SLC14A2: variants seen among roughly 807,000 people sequenced by gnomAD.
SLC14A2 encodes the protein solute carrier family 14 member 2, also known as urea transporter 2.
SLC14A2 carries 91 observed loss-of-function variants against 104.6 expected under a neutral mutation model. The ratio of observed to expected loss-of-function variants is 0.87; its 90% CI spans 0.73 to 1.04. The LOEUF is 1.04. Among genes scored for constraint, SLC14A2 ranks in the 50% least tolerant of loss-of-function variants. The probability of loss-of-function intolerance (pLI) is 0.00; values close to 1 mark genes in which losing one functional copy is unlikely to be tolerated. For synonymous variants in SLC14A2, 476 were observed against 466.4 expected (o/e 1.02, Z -0.27); for missense variants, 1,189 against 1,156.0 (o/e 1.03, Z -0.41).
chr18:45,572,755 G>C (rs1419756884), intron 2 of SLC14A2, among the ~76,000 whole-genome samples: 1 of 152,070 alleles, frequency 6.6e-6, no homozygotes, highest in Non-Finnish European at 1.5e-5. Flanking sequence ...TCATTCTATG[G>C]GCAAGTGTGT....
rs183530964 is a variant in SLC14A2, at chr18:45,363,256, G to A, written c.-124-119977G>A. On this transcript the variant is annotated intron_variant, in intron 1 of 20. Transcript: ENST00000586448. The stretch of plus-strand genomic sequence containing the variant: ...CACAGAAGCTGGAGTTAGGGAGAGT[G>A]GCTCACTTTCGGGTCCTTAGCATAC... Among the ~76,000 whole-genome samples, 709 of 152,206 alleles carry A rather than the reference G, an allele frequency of 4.7e-3. 3 individuals carry two copies. Among genetic ancestry groups the A allele is most frequent in the Non-Finnish European group, 4.3e-3 (290 of 68,016 alleles).
chr18:45,207,510 T>G, the SLC14A2 span, among the ~76,000 whole-genome samples: 6 of 151,964 alleles, frequency 3.9e-5, no homozygotes, highest in African/African-American at 7.2e-5. Context: ...TAATAATGTG[T>G]GTGCATATGG....
At chr18:45,510,151 G>A (rs1416712885) in intron 2 of SLC14A2, among the ~76,000 whole-genome samples, 1 of 152,098 alleles carries the variant, frequency 6.6e-6, no homozygotes, top group Non-Finnish European at 1.5e-5. Context: ...AAAATTAGGG[G>A]CATGGAAGTG....
At chr18:45,542,394 A>G (rs2043905086) in intron 2 of SLC14A2, 1 of 152,036 alleles carries the variant, frequency 6.6e-6, no homozygotes, top group African/African-American at 2.4e-5. Context: ...GTATTCGAGT[A>G]GAATTTGGCA....
At chr18:45,409,382 T>C (rs2086190288) in intron 1 of SLC14A2, among the ~76,000 whole-genome samples, 1 of 152,180 alleles carries the variant, frequency 6.6e-6, no homozygotes, top group South Asian at 2.1e-4. Context: ...GGCTACTCCG[T>C]CATCTCTCTA....
chr18:45,372,275 GCAC>G (rs2085731023), intron 1 of SLC14A2, among the ~76,000 whole-genome samples: 1 of 151,826 alleles, frequency 6.6e-6, no homozygotes, highest in Non-Finnish European at 1.5e-5. Context: ...TCATGCCACT[GCAC>G]TCCAGCCTGG....
In SLC14A2 at chr18:45,666,973, G is replaced by A; in HGVS notation, c.1596G>A (p.Val532=). The change falls in exon 13 of 20, where the codon GTG becomes GTA. Residue 532 remains valine (V), a synonymous_variant. Transcript: ENST00000255226. The part of the protein sequence containing the change: ...DTMEESSEIK[V]ETNISKTSWI... Reference sequence around the variant, plus strand: ...TGGAGGAGAGCTCTGAGATAAAAGTGGAAACAAACATTTCCAAGACATCCT... The same window carrying A: ...TGGAGGAGAGCTCTGAGATAAAAGTAGAAACAAACATTTCCAAGACATCCT... The A allele has an allele frequency of 6.2e-7, 1 of 1,614,094 alleles. No homozygotes were observed.
chr18:45,600,325 A>T (rs1464975777), intron 2 of SLC14A2, among the ~76,000 whole-genome samples: 1 of 152,008 alleles, frequency 6.6e-6, no homozygotes, highest in Non-Finnish European at 1.5e-5. Context: ...CAGGGGTTCC[A>T]TCCTGCAATT....
At chr18:45,604,751 C>T (rs1423593158) in intron 2 of SLC14A2, among the ~76,000 whole-genome samples, 1 of 152,182 alleles carries the variant, frequency 6.6e-6, no homozygotes, top group Admixed American at 6.5e-5. Flanking sequence ...ACAATGCACA[C>T]TTAGGTGAGG....
intron 2 of SLC14A2, among the ~76,000 whole-genome samples, chr18:45,498,705 T>C (rs552862934): frequency 6.6e-6 from 1 of 152,270 alleles, no homozygotes. Context: ...TCTCTCCCTT[T>C]CAATTAGTCT....
chr18:45,208,486 T>C (rs906242048), upstream of SLC14A2, among the ~76,000 whole-genome samples: 10 of 152,080 alleles, frequency 6.6e-5, no homozygotes, highest in Non-Finnish European at 1.3e-4. Context: ...TCTGCTTTCA[T>C]AGGAACGTGC....
chr18:45,532,757 A>G (rs2043715601), intron 2 of SLC14A2, among the ~76,000 whole-genome samples: 1 of 151,668 alleles, frequency 6.6e-6, no homozygotes, highest in African/African-American at 2.4e-5. Flanking sequence ...GGTGAGAGAG[A>G]GCATCCCTGT....
chr18:45,338,762 G>A (rs903578378), intron 1 of SLC14A2, among the ~76,000 whole-genome samples: 4 of 149,714 alleles, frequency 2.7e-5, no homozygotes, highest in Admixed American at 2.7e-4. Context: ...CAGCAACATG[G>A]GTCCTGTCCC....
chr18:45,625,979 CTGCCCAGGACTGGACCT>C, intron 3 of SLC14A2, 116 bp downstream of exon 3: 2 of 728,666 alleles, frequency 2.7e-6, no homozygotes, highest in Non-Finnish European at 3.9e-6. Context: ...CTGGGTGGAT[CTGCCCAGGACTGGACCT>C]CACCCAGGGC....
intron 2 of SLC14A2, among the ~76,000 whole-genome samples, chr18:45,559,887 C>T (rs2044179810): frequency 6.6e-6 from 1 of 152,134 alleles, no homozygotes; most frequent in Non-Finnish European, 1.5e-5. Flanking sequence ...AGGTTTCAGC[C>T]CAAAGGCTGT....
chr18:45,374,782 C>T (rs1031619813), intron 1 of SLC14A2, among the ~76,000 whole-genome samples: 1 of 152,180 alleles, frequency 6.6e-6, no homozygotes, highest in African/African-American at 2.4e-5. Flanking sequence ...TCCTTTTGCT[C>T]ATCTGGACTT....
chr18:45,654,579 G>C (rs2045798602), intron 10 of SLC14A2, among the ~76,000 whole-genome samples: 1 of 152,156 alleles, frequency 6.6e-6, no homozygotes, highest in South Asian at 2.1e-4. Flanking sequence ...AACTGCATCT[G>C]GGGAAGACAG....
chr18:45,381,903 C>G (rs1293020972), intron 1 of SLC14A2, among the ~76,000 whole-genome samples: 3 of 152,106 alleles, frequency 2.0e-5, no homozygotes, highest in African/African-American at 7.2e-5. Flanking sequence ...CCAGTGGTAG[C>G]AGGCTGGACA....
the SLC14A2 span, among the ~76,000 whole-genome samples, chr18:45,207,713 A>G: frequency 1.3e-5 from 2 of 152,216 alleles, no homozygotes; most frequent in Non-Finnish European, 2.9e-5. Flanking sequence ...TGGGTCATAG[A>G]GCAAACACAC....
Sources: gnomAD v4.1 joint callset for allele counts (sites outside exome capture counted in the v4.1 genomes callset) on GRCh38, gnomAD v4.1.1 for gene constraint, MANE v1.5 for transcripts, NCBI Gene and HGNC (gene_info 2026-07-23, HGNC 2026-07-21) for gene names.